ERC1: variants seen among roughly 807,000 people sequenced by gnomAD.
The protein encoded by ERC1 is RAB6 interacting protein 2.
In ERC1, 56 loss-of-function variants were observed where a neutral mutation model predicts 132.0. That is an observed-to-expected ratio of 0.42 (90% CI 0.34 to 0.53). ERC1 has a LOEUF of 0.53. Ranked by LOEUF, ERC1 falls within the 20% of genes least tolerant of loss-of-function variation. The pLI is 0.03. For synonymous variants in ERC1, 478 were observed against 476.1 expected (o/e 1.00, Z -0.05); for missense variants, 1,202 against 1,349.9 (o/e 0.89, Z 1.72).
intron 15 of ERC1, among the ~76,000 whole-genome samples, chr12:1,351,096 C>G (rs2084953291): frequency 6.6e-6 from 1 of 152,176 alleles, no homozygotes; most frequent in South Asian, 2.1e-4. Context: ...TACTGGGAAT[C>G]AAATTTCAAC....
chr12:1,297,734 G>C (rs1288405748), intron 15 of ERC1, among the ~76,000 whole-genome samples: 1 of 146,494 alleles, frequency 6.8e-6, no homozygotes, highest in Non-Finnish European at 1.5e-5. Context: ...AAAAAACACA[G>C]ACATGGTAAA....
chr12:1,272,543 G>GA lies in ERC1; in HGVS notation c.2619+9378_2619+9379insA, dbSNP rs746732311. On this transcript the variant is annotated intron_variant, in intron 14 of 18. Transcript: ENST00000360905. ...CAGTCACCTAATATGTTGATCAGAT[G>GA]GACATTATTCTTATCACCAGATTAT... is the stretch of plus-strand genomic sequence containing the variant. Among the ~76,000 whole-genome samples the GA allele has an allele frequency of 6.6e-5, 10 of 152,230 alleles. No individual in the cohort carries two copies. The East Asian group carries it at 9.6e-4, about 15-fold the overall frequency.
chr12:1,263,869 T>C (rs2077300975), intron 14 of ERC1, among the ~76,000 whole-genome samples: 1 of 151,984 alleles, frequency 6.6e-6, no homozygotes. Flanking sequence ...TTTGTATTTT[T>C]AGTAAAGTTG....
chr12:995,937 G>T (rs973850524), intron 1 of ERC1, among the ~76,000 whole-genome samples: 2 of 152,194 alleles, frequency 1.3e-5, no homozygotes, highest in Admixed American at 6.5e-5. Flanking sequence ...GGAACGGTCA[G>T]CGGTGTCATT....
intron 15 of ERC1, among the ~76,000 whole-genome samples, chr12:1,317,412 G>A (rs1163161534): frequency 2.0e-5 from 3 of 152,086 alleles, no homozygotes; most frequent in Admixed American, 2.0e-4. Flanking sequence ...GGGATCAGGG[G>A]CTAGGAAAGG....
At chr12:1,461,202 G>A (rs2093638633) in intron 18 of ERC1, among the ~76,000 whole-genome samples, 1 of 151,930 alleles carries the variant, frequency 6.6e-6, no homozygotes, top group Non-Finnish European at 1.5e-5. Context: ...TGTCAATATT[G>A]TACCCATTTG....
Position 1,112,214 on chromosome 12 carries a change from G to T in ERC1, c.1318-1G>T. ...GAAAAAGAATAATAATGTCGTGACA[G>T]GTAGAACAACTGAAGGAGGAACTAA... On this transcript the variant is annotated splice_acceptor_variant, in intron 5 of 18. Coordinates refer to ENST00000360905, the MANE Select transcript of ERC1 (RefSeq NM_178040.4). LOFTEE classifies it high-confidence loss of function. 6.2e-7 allele frequency: 1 copy of T among 1,606,340 alleles called. No homozygotes were observed. The highest frequency in any genetic ancestry group is 1.1e-5 in the South Asian group (1 of 90,908).
intron 13 of ERC1, among the ~76,000 whole-genome samples, chr12:1,256,418 T>TAAA (rs796558976): frequency 2.4e-5 from 3 of 123,686 alleles, no homozygotes; most frequent in Non-Finnish European, 3.4e-5. Flanking sequence ...GTTCTCAGAC[T>TAAA]AAAAAAAAAA....
At chr12:1,119,955 CT>C (rs1946894754) in intron 7 of ERC1, among the ~76,000 whole-genome samples, 1 of 151,938 alleles carries the variant, frequency 6.6e-6, no homozygotes, top group African/African-American at 2.4e-5. Flanking sequence ...TAATTCTGTT[CT>C]CATCTGAATA....
chr12:1,275,725 G>A (rs923385194), intron 14 of ERC1, among the ~76,000 whole-genome samples: 11 of 152,096 alleles, frequency 7.2e-5, no homozygotes, highest in African/African-American at 2.7e-4. Flanking sequence ...ATTTAGTGTT[G>A]CTATAAAGGA....
At chr12:1,208,844 G>A (rs1354561901) in intron 12 of ERC1, among the ~76,000 whole-genome samples, 2 of 151,864 alleles carry the variant, frequency 1.3e-5, no homozygotes, top group Non-Finnish European at 2.9e-5. Flanking sequence ...GTGCAGTGGC[G>A]CAATCTCAGC....
intron 16 of ERC1, among the ~76,000 whole-genome samples, chr12:1,394,157 T>C (rs2090292959): frequency 6.6e-6 from 1 of 151,756 alleles, no homozygotes; most frequent in Non-Finnish European, 1.5e-5. Context: ...TCCCAGCACT[T>C]TGGGAGGCCA....
intron 7 of ERC1, among the ~76,000 whole-genome samples, chr12:1,119,278 C>T (rs966048056): frequency 6.8e-6 from 1 of 147,132 alleles, no homozygotes; most frequent in Non-Finnish European, 1.5e-5. Flanking sequence ...TTTTTTTTTT[C>T]CCTATTCAGG....
At chr12:1,040,364 C>T (rs1969989874) in intron 2 of ERC1, among the ~76,000 whole-genome samples, 3 of 149,554 alleles carry the variant, frequency 2.0e-5, no homozygotes, top group Admixed American at 6.7e-5. Context: ...CTCTGTCAAC[C>T]AGGCTGGAGT....
At chr12:1,392,992 A>T (rs1449359598) in intron 16 of ERC1, among the ~76,000 whole-genome samples, 1 of 152,242 alleles carries the variant, frequency 6.6e-6, no homozygotes, top group Non-Finnish European at 1.5e-5. Flanking sequence ...GAATAGTCAG[A>T]GTATAGGAGA....
chr12:1,073,942 C>G (rs763065124), intron 2 of ERC1, among the ~76,000 whole-genome samples: 1 of 145,256 alleles, frequency 6.9e-6, no homozygotes, highest in Admixed American at 6.9e-5. Flanking sequence ...TCTCCACTCA[C>G]TGCAACCTCC....
chr12:1,134,257 C>T (rs1949042748), intron 7 of ERC1, among the ~76,000 whole-genome samples: 1 of 151,766 alleles, frequency 6.6e-6, no homozygotes, highest in Non-Finnish European at 1.5e-5. Flanking sequence ...ATTCTTCTTA[C>T]TATTTTAGGG....
chr12:1,099,764 T>C (rs1411686550), intron 3 of ERC1, among the ~76,000 whole-genome samples: 2 of 150,094 alleles, frequency 1.3e-5, no homozygotes, highest in Non-Finnish European at 3.0e-5. Flanking sequence ...GTTAGGGAGA[T>C]TGGGGATGTA....
intron 16 of ERC1, among the ~76,000 whole-genome samples, chr12:1,401,180 C>A (rs1035265336): frequency 6.6e-6 from 1 of 151,796 alleles, no homozygotes; most frequent in Non-Finnish European, 1.5e-5. Flanking sequence ...GTGATCCGCC[C>A]GTCTCAGCCT....
Sources: allele counts gnomAD v4.1 joint callset (sites outside exome capture counted in the v4.1 genomes callset), GRCh38; gene constraint gnomAD v4.1.1; transcripts MANE v1.5; gene names NCBI Gene and HGNC (gene_info 2026-07-23, HGNC 2026-07-21).